EML4: variants seen among roughly 807,000 people sequenced by gnomAD.
The protein encoded by EML4 is echinoderm microtubule-associated protein-like 4.
A neutral mutation model predicts 129.0 loss-of-function variants in EML4; 72 were observed. The ratio of observed to expected loss-of-function variants is 0.56; its 90% CI spans 0.46 to 0.68. EML4 has a LOEUF of 0.68. Among genes scored for constraint, EML4 ranks in the 30% least tolerant of loss-of-function variants. EML4 has a pLI of 0.00. For synonymous variants in EML4, 532 were observed against 405.0 expected (o/e 1.31, Z -3.77); for missense variants, 1,363 against 1,190.6 (o/e 1.14, Z -2.13).
intron 4 of EML4, among the ~76,000 whole-genome samples, chr2:42,262,880 A>C (rs1008634323): frequency 6.6e-6 from 1 of 152,230 alleles, no homozygotes; most frequent in African/African-American, 2.4e-5. Flanking sequence ...AAATTATAAG[A>C]AACATTACTC....
At position 42,288,209 on chromosome 2, in the gene EML4, T is replaced by A. The variant is rs1667420096; in HGVS notation, c.1123-18T>A. 1 of 1,119,648 alleles carries A rather than the reference T, an allele frequency of 8.9e-7. No homozygotes were observed. The highest frequency in any genetic ancestry group is 1.6e-5 in the African/African-American group (1 of 63,570). 69.4% of individuals were successfully genotyped at this position (1,119,648 alleles called of 1,614,324 possible). On this transcript the variant is annotated intron_variant, in intron 10 of 22. Coordinates refer to ENST00000318522, the MANE Select transcript of EML4 (RefSeq NM_019063.5). ...CTATCAGTGAATTTTAAAATGCCTC[T>A]GATTGACTTTTCTTTAGGATTCAGG...
intron 1 of EML4, among the ~76,000 whole-genome samples, chr2:42,204,654 C>A (rs1409335391): frequency 6.6e-6 from 1 of 152,152 alleles, no homozygotes; most frequent in Admixed American, 6.5e-5. Flanking sequence ...TCTTACCATA[C>A]AACTAAGGGA....
At chr2:42,240,040 C>G (rs1302552890) in intron 1 of EML4, among the ~76,000 whole-genome samples, 3 of 152,126 alleles carry the variant, frequency 2.0e-5, no homozygotes, top group African/African-American at 7.2e-5. Flanking sequence ...CCTGATGTCT[C>G]AGAGTCTTAG....
intron 1 of EML4, among the ~76,000 whole-genome samples, chr2:42,183,136 C>T (rs1330073972): frequency 9.2e-5 from 14 of 152,062 alleles, no homozygotes; most frequent in Non-Finnish European, 1.6e-4. Context: ...ACCTGGGTGA[C>T]GGAGTGGTGA....
rs548891156 is a variant in EML4, at chr2:42,209,413, C to T, written c.26-36092C>T. On this transcript the variant is annotated intron_variant, in intron 1 of 22. Coordinates refer to ENST00000318522, the MANE Select transcript of EML4 (RefSeq NM_019063.5). Reference sequence around the variant, plus strand: ...GATATTCATGATCTGATTTAATCCTCACAGCAGTCTTGTAGGCATATTCTT... The same window carrying T: ...GATATTCATGATCTGATTTAATCCTTACAGCAGTCTTGTAGGCATATTCTT... 2.6e-5 allele frequency among the ~76,000 whole-genome samples: 4 copies of T among 152,276 alleles called. No individual in the cohort carries two copies. In the South Asian group the frequency reaches 8.3e-4, roughly 32 times the overall value.
chr2:42,170,747 C>T (rs1378351909), intron 1 of EML4, among the ~76,000 whole-genome samples: 3 of 152,190 alleles, frequency 2.0e-5, no homozygotes, highest in Non-Finnish European at 4.4e-5. Flanking sequence ...TTTTTATGTG[C>T]AGGTAGCTTG....
intron 17 of EML4, among the ~76,000 whole-genome samples, chr2:42,312,423 A>AGAAACATTTACAGTCTAT (rs1669011173): frequency 6.6e-6 from 1 of 152,198 alleles, no homozygotes; most frequent in South Asian, 2.1e-4. Flanking sequence ...AAGTCTGATA[A>AGAAACATTTACAGTCTAT]GAAACATTTA....
At chr2:42,218,383 A>G (rs977330611) in intron 1 of EML4, among the ~76,000 whole-genome samples, 1 of 152,008 alleles carries the variant, frequency 6.6e-6, no homozygotes, top group Non-Finnish European at 1.5e-5. Flanking sequence ...ATATATTACA[A>G]TGTAATAATA....
intron 1 of EML4, among the ~76,000 whole-genome samples, chr2:42,189,259 GTC>G (rs1671442821): frequency 6.6e-6 from 1 of 152,198 alleles, no homozygotes; most frequent in Admixed American, 6.5e-5. Context: ...TTATAAGAGA[GTC>G]TTGCTGATTT....
At chr2:42,247,821 C>G (rs897066487) in intron 2 of EML4, among the ~76,000 whole-genome samples, 12 of 151,818 alleles carry the variant, frequency 7.9e-5, no homozygotes, top group African/African-American at 2.9e-4. Context: ...TGTATATGGG[C>G]TTTATAGGGA....
At chr2:42,180,867 T>C (rs1292894430) in intron 1 of EML4, among the ~76,000 whole-genome samples, 1 of 152,260 alleles carries the variant, frequency 6.6e-6, no homozygotes, top group Non-Finnish European at 1.5e-5. Flanking sequence ...CTCTTTGATA[T>C]GGAACAGTTC....
rs751852969 is a variant in EML4 at position 42,303,117 on chromosome 2, A to G, written c.1655A>G (p.Tyr552Cys). The G allele has an allele frequency of 1.9e-6, 3 of 1,613,998 alleles. No homozygotes were observed. Among genetic ancestry groups the G allele is most frequent in the South Asian group, 1.1e-5 (1 of 91,086 alleles). Residue 552 changes from tyrosine to cysteine, a missense_variant, in exon 15 of 23, where the codon TAT becomes TGT. Transcript: ENST00000318522. ...TTTTTTTTCTAGGTTCCTGATCAGT[A>G]TGGCACAATCAGAGCTGTAGCAGAA... ...PEREIEVPDQYGTIRAVAEGK... is the reference protein window; with the variant it reads ...PEREIEVPDQCGTIRAVAEGK...
intron 19 of EML4, among the ~76,000 whole-genome samples, chr2:42,322,520 T>A (rs1669574922): frequency 1.3e-5 from 2 of 152,228 alleles, no homozygotes; most frequent in Admixed American, 1.3e-4. Flanking sequence ...GTGATAATCA[T>A]CATGCAGTTG....
At chr2:42,275,280 C>G (rs533621366) in intron 6 of EML4, among the ~76,000 whole-genome samples, 3 of 152,226 alleles carry the variant, frequency 2.0e-5, no homozygotes, top group Admixed American at 6.5e-5. Context: ...TCTTCAAAAT[C>G]TGGTTTGTAT....
intron 5 of EML4, among the ~76,000 whole-genome samples, chr2:42,264,104 T>TTG (rs1665909652): frequency 6.3e-4 from 2 of 3,168 alleles, no homozygotes; most frequent in African/African-American, 3.5e-3. Context: ...ACAATACGTG[T>TTG]TTTTTTTTTT....
intron 1 of EML4, among the ~76,000 whole-genome samples, chr2:42,232,964 C>A (rs537949022): frequency 6.6e-6 from 1 of 152,246 alleles, no homozygotes; most frequent in East Asian, 1.9e-4. Flanking sequence ...CCTCGTGATC[C>A]CCCTGCCTCA....
chr2:42,189,885 A>G (rs1442548090), intron 1 of EML4, among the ~76,000 whole-genome samples: 4 of 152,296 alleles, frequency 2.6e-5, no homozygotes, highest in Non-Finnish European at 2.9e-5. Context: ...TTATATAGCT[A>G]TATGAAGACA....
chr2:42,192,166 A>G (rs1350706172), intron 1 of EML4, among the ~76,000 whole-genome samples: 4 of 147,902 alleles, frequency 2.7e-5, no homozygotes, highest in Non-Finnish European at 5.9e-5. Flanking sequence ...TTTCCCCAAG[A>G]GTCTGGGTCT....
Position 42,169,544 on chromosome 2 carries a change from C to T in EML4, c.-68C>T. ...CGAGCGGGTCAGGCTCAGCGTCGGC[C>T]ACTCTGTCGGTCCGCTGAATGAAGT... On this transcript the variant is annotated 5_prime_UTR_variant, in exon 1 of 23. Coordinates refer to ENST00000318522, the MANE Select transcript of EML4 (RefSeq NM_019063.5). 1 of 1,556,518 alleles carries T rather than the reference C, an allele frequency of 6.4e-7. No homozygotes were observed. The highest frequency in any genetic ancestry group is 2.4e-5 in the East Asian group (1 of 42,254).
Sources: allele counts gnomAD v4.1 joint callset (sites outside exome capture counted in the v4.1 genomes callset), GRCh38; gene constraint gnomAD v4.1.1; transcripts MANE v1.5; gene names NCBI Gene and HGNC (gene_info 2026-07-23, HGNC 2026-07-21).